Variants in TLN2 observed in about 807,000 individuals in gnomAD.
TLN2 encodes the protein talin-2.
In TLN2, 118 loss-of-function variants were observed where a neutral mutation model predicts 294.7. The observed-to-expected ratio is 0.40, with a 90% CI of 0.34 to 0.47. The LOEUF is 0.47. TLN2 is among the 20% of genes least tolerant of loss of function. The pLI is 0.84. For synonymous variants in TLN2, 1,431 were observed against 1,304.5 expected (o/e 1.10, Z -2.09); for missense variants, 3,083 against 3,282.2 (o/e 0.94, Z 1.48).
At chr15:62,824,821 T>C (rs1165637944) in intron 54 of TLN2, among the ~76,000 whole-genome samples, 1 of 152,228 alleles carries the variant, frequency 6.6e-6, no homozygotes, top group Non-Finnish European at 1.5e-5. Flanking sequence ...GCCTGTGAAG[T>C]ATGTGTGAGT....
At chr15:62,804,006 G>A (rs1251701434) in intron 50 of TLN2, among the ~76,000 whole-genome samples, 3 of 152,200 alleles carry the variant, frequency 2.0e-5, no homozygotes, top group Non-Finnish European at 4.4e-5. Flanking sequence ...GGCACACCAA[G>A]CTCAGTAACA....
chr15:62,714,877 C>G (rs908462520), intron 22 of TLN2, among the ~76,000 whole-genome samples: 1 of 152,160 alleles, frequency 6.6e-6, no homozygotes, highest in Admixed American at 6.5e-5. Context: ...CCAAAGCATC[C>G]ACATCAGTGT....
In TLN2 at chr15:62,604,789, G is replaced by C. The variant is rs2047296214; in HGVS notation, c.-161-13562G>C. On this transcript the variant is annotated intron_variant, in intron 2 of 58. Coordinates refer to ENST00000636159, the MANE Select transcript of TLN2 (RefSeq NM_015059.3). ...AAGGGATTTATATTAATCTCTCAAA[G>C]CTGTGTTCTCTGATTTTCCATAGAT... 2.0e-5 allele frequency among the ~76,000 whole-genome samples: 3 copies of C among 151,400 alleles called. No homozygotes were observed. The South Asian group carries it at 6.2e-4, about 31-fold the overall frequency.
rs542203441 is a variant in TLN2, at chr15:62,659,292, C to T, written c.788+1394C>T. ...GAGGTTCTCCGCAAATAGCTTCTGA[C>T]TTCTAACACCGGGTTCTCATTTTCA... On this transcript the variant is annotated intron_variant, in intron 9 of 58. Coordinates refer to ENST00000636159, the MANE Select transcript of TLN2 (RefSeq NM_015059.3). Among the ~76,000 whole-genome samples, 20 of 152,330 alleles carry T rather than the reference C, an allele frequency of 1.3e-4. No homozygotes were observed. The South Asian group carries it at 3.7e-3, about 28-fold the overall frequency.
intron 1 of TLN2, among the ~76,000 whole-genome samples, chr15:62,461,629 G>T (rs1222642502): frequency 3.3e-5 from 5 of 152,232 alleles, no homozygotes; most frequent in African/African-American, 4.8e-5. Flanking sequence ...AGGCCCTAGG[G>T]GTGAGAGCAG....
intron 1 of TLN2, among the ~76,000 whole-genome samples, chr15:62,510,651 G>C (rs1214392451): frequency 1.3e-5 from 2 of 152,284 alleles, no homozygotes; most frequent in Non-Finnish European, 2.9e-5. Flanking sequence ...GTGATGTTTT[G>C]CCTGCTCCAG....
At chr15:62,829,035 A>C (rs113428540) in intron 54 of TLN2, 2 of 152,068 alleles carry the variant, frequency 1.3e-5, no homozygotes, top group African/African-American at 2.4e-5. Flanking sequence ...CAGCATCTGC[A>C]TCTTTAACCA....
chr15:62,823,744 G>A (rs527933665), intron 54 of TLN2, among the ~76,000 whole-genome samples: 106 of 152,284 alleles, frequency 7.0e-4, no homozygotes, highest in Middle Eastern at 3.4e-3. Flanking sequence ...GACATGCACC[G>A]TTGAATCTGC....
chr15:62,801,928 C>T (rs139658837), intron 50 of TLN2, among the ~76,000 whole-genome samples: 2 of 152,242 alleles, frequency 1.3e-5, no homozygotes, highest in East Asian at 1.9e-4. Flanking sequence ...TTGGGGTATC[C>T]ATCATCTCAA....
chr15:62,761,208 A>G (rs1367126216), intron 37 of TLN2, among the ~76,000 whole-genome samples: 1 of 152,250 alleles, frequency 6.6e-6, no homozygotes, highest in African/African-American at 2.4e-5. Context: ...GGGAATATCC[A>G]GGTAAAACTT....
chr15:62,558,176 A>G (rs1260567291), intron 1 of TLN2, among the ~76,000 whole-genome samples: 1 of 152,216 alleles, frequency 6.6e-6, no homozygotes, highest in Non-Finnish European at 1.5e-5. Flanking sequence ...TGTCTACATA[A>G]CTGTGGACAT....
intron 1 of TLN2, among the ~76,000 whole-genome samples, chr15:62,582,221 C>CACACAT: frequency 7.0e-6 from 1 of 142,552 alleles, no homozygotes; most frequent in South Asian, 2.5e-4. Flanking sequence ...CACACACACA[C>CACACAT]ACACACACAC....
In TLN2 at chr15:62,835,809, C is replaced by A. The variant is rs763264564; in HGVS notation, c.7191+10C>A. The A allele has an allele frequency of 6.2e-7, 1 of 1,614,116 alleles. No homozygotes were observed. The highest frequency in any genetic ancestry group is 8.5e-7 in the Non-Finnish European group (1 of 1,180,048). On this transcript the variant is annotated intron_variant, in intron 56 of 58. Coordinates refer to ENST00000636159, the MANE Select transcript of TLN2 (RefSeq NM_015059.3). ...GGGGCTGATTTCTGCTGTGAGTTGC[C>A]TTCTCCTTCCTCCCAGTTTGCTTTT...
At chr15:62,583,575 A>C (rs1051118456) in intron 1 of TLN2, among the ~76,000 whole-genome samples, 5 of 152,210 alleles carry the variant, frequency 3.3e-5, no homozygotes, top group Non-Finnish European at 7.3e-5. Flanking sequence ...TCTTTCAGAA[A>C]AGAGAAATAA....
chr15:62,563,887 G>A (rs2043176901), intron 1 of TLN2, among the ~76,000 whole-genome samples: 1 of 152,124 alleles, frequency 6.6e-6, no homozygotes, highest in Non-Finnish European at 1.5e-5. Context: ...GTAGTCATTT[G>A]TTTATGGGTC....
intron 28 of TLN2, 85 bp downstream of exon 28, chr15:62,727,274 C>A: frequency 8.2e-7 from 1 of 1,223,548 alleles, no homozygotes; most frequent in Non-Finnish European, 1.2e-6. Flanking sequence ...ATTCCTTTGA[C>A]AATACACGTG....
chr15:62,643,703 G>A (rs964810407), intron 3 of TLN2, among the ~76,000 whole-genome samples: 4 of 152,184 alleles, frequency 2.6e-5, no homozygotes, highest in African/African-American at 9.6e-5. Flanking sequence ...GCTCTCTGAA[G>A]GCAGCAGAGG....
At chr15:62,650,653 G>C (rs1161464959) in intron 5 of TLN2, among the ~76,000 whole-genome samples, 1 of 152,178 alleles carries the variant, frequency 6.6e-6, no homozygotes, top group Non-Finnish European at 1.5e-5. Context: ...AAATGGTTGT[G>C]TTATGGAAAT....
intron 1 of TLN2, among the ~76,000 whole-genome samples, chr15:62,474,381 G>A (rs1175812123): frequency 1.3e-5 from 2 of 152,076 alleles, no homozygotes; most frequent in African/African-American, 4.8e-5. Flanking sequence ...GGTGGCACAT[G>A]CCTATAATCC....
Sources: allele counts gnomAD v4.1 joint callset (sites outside exome capture counted in the v4.1 genomes callset), GRCh38; gene constraint gnomAD v4.1.1; transcripts MANE v1.5; gene names NCBI Gene and HGNC (gene_info 2026-07-23, HGNC 2026-07-21).